The following VAMP7 variants were observed in gnomAD, a reference collection of about 807,000 sequenced individuals.
VAMP7 encodes the protein vesicle-associated membrane protein 7.
A neutral mutation model predicts 29.6 loss-of-function variants in VAMP7; 14 were observed. The observed-to-expected ratio is 0.47, with a 90% CI of 0.31 to 0.74. The LOEUF (loss-of-function observed/expected upper bound fraction) is 0.74. Among genes scored for constraint, VAMP7 ranks in the 30% least tolerant of loss-of-function variants. The probability of loss-of-function intolerance (pLI) is 0.05; values close to 1 mark genes in which losing one functional copy is unlikely to be tolerated. For missense variants in VAMP7, 223 were observed against 262.4 expected (o/e 0.85, Z 1.04); for synonymous variants, 95 against 88.1 (o/e 1.08, Z -0.44).
chrX:155,917,560 C>A (rs896778833), intron 5 of VAMP7, among the ~76,000 whole-genome samples: 1 of 152,156 alleles, frequency 6.6e-6, no homozygotes, highest in African/African-American at 2.4e-5. Flanking sequence ...TTCTAACAGG[C>A]CTCTCTGCTG....
intron 6 of VAMP7, among the ~76,000 whole-genome samples, chrX:155,933,086 G>A (rs1005612227): frequency 3.9e-5 from 6 of 152,134 alleles, no homozygotes; most frequent in Non-Finnish European, 8.8e-5. Flanking sequence ...TTTTTGATGT[G>A]CTGCTGGATT....
At chrX:155,918,322 G>A (rs979633639) in intron 5 of VAMP7, among the ~76,000 whole-genome samples, 11 of 151,900 alleles carry the variant, frequency 7.2e-5, no homozygotes, top group African/African-American at 2.7e-4. Context: ...GAACAGTTAT[G>A]TCTCACTGGC....
intron 5 of VAMP7, among the ~76,000 whole-genome samples, chrX:155,902,353 C>T (rs1213314216): frequency 6.6e-6 from 1 of 150,880 alleles, no homozygotes; most frequent in African/African-American, 2.4e-5. Flanking sequence ...AATTGAATAC[C>T]CTTTATTTCC....
intron 2 of VAMP7, among the ~76,000 whole-genome samples, chrX:155,892,246 C>A (rs186508959): frequency 1.2e-4 from 18 of 152,180 alleles, no homozygotes; most frequent in African/African-American, 4.1e-4. Flanking sequence ...CTGTTCTCCC[C>A]CTAAGCCTCC....
intron 2 of VAMP7, among the ~76,000 whole-genome samples, chrX:155,891,856 C>T (rs2065928735): frequency 6.6e-6 from 1 of 152,130 alleles, no homozygotes; most frequent in Non-Finnish European, 1.5e-5. Flanking sequence ...GTTTGTGGGC[C>T]TAGAGGTTAG....
At chrX:155,891,381 T>C (rs919876608) in intron 2 of VAMP7, among the ~76,000 whole-genome samples, 3 of 152,256 alleles carry the variant, frequency 2.0e-5, no homozygotes, top group African/African-American at 7.2e-5. Context: ...ATCTAGTCAC[T>C]GTGTTTGGCT....
chrX:155,892,049 G>A (rs1406751027), intron 2 of VAMP7, among the ~76,000 whole-genome samples: 1 of 152,094 alleles, frequency 6.6e-6, no homozygotes, highest in Non-Finnish European at 1.5e-5. Flanking sequence ...TGTATTATGA[G>A]CCAGAATTTA....
chrX:155,934,478 C>T (rs1038074558), intron 6 of VAMP7, among the ~76,000 whole-genome samples: 2 of 152,114 alleles, frequency 1.3e-5, no homozygotes, highest in African/African-American at 4.8e-5. Flanking sequence ...CTCTTTTGAT[C>T]CTTGCTAGTT....
intron 6 of VAMP7, among the ~76,000 whole-genome samples, chrX:155,924,477 A>G (rs2066441278): frequency 6.6e-6 from 1 of 152,162 alleles, no homozygotes; most frequent in African/African-American, 2.4e-5. Context: ...AGCCCCTGGT[A>G]ACTCTAATCT....
At position 155,889,558 on chromosome X, in the gene VAMP7, A is replaced by G; in HGVS notation, c.92A>G (p.Gln31Arg). The G allele has an allele frequency of 6.2e-7, 1 of 1,613,958 alleles. No homozygotes were observed. The highest frequency in any genetic ancestry group is 8.5e-7 in the Non-Finnish European group (1 of 1,179,862). ...CGGNFLEVTEQILAKIPSENN... is the reference protein window; with the variant it reads ...CGGNFLEVTERILAKIPSENN... ...GGAAACTTCCTGGAGGTGACAGAGC[A>G]GATTCTGGCTAAGATACCTTCTGAA... Residue 31 changes from glutamine (Q) to arginine (R), a missense_variant, in exon 2 of 8, where the codon CAG becomes CGG. Transcript: ENST00000286448.
chrX:155,939,091 G>GTT (rs1169208673), intron 6 of VAMP7, among the ~76,000 whole-genome samples: 3 of 646 alleles, frequency 4.6e-3, no homozygotes, highest in Non-Finnish European at 9.3e-3. Flanking sequence ...ACATCTGTGG[G>GTT]ACCATACCAG....
intron 6 of VAMP7, among the ~76,000 whole-genome samples, chrX:155,929,843 T>C (rs1428294853): frequency 1.3e-5 from 2 of 152,090 alleles, no homozygotes; most frequent in African/African-American, 2.4e-5. Context: ...TTTACTCAAG[T>C]CCACCCTCAC....
chrX:155,886,123 TTTC>T (rs1317893664), intron 1 of VAMP7, among the ~76,000 whole-genome samples: 5 of 152,190 alleles, frequency 3.3e-5, no homozygotes, highest in Non-Finnish European at 5.9e-5. Flanking sequence ...TTTCATTCTT[TTTC>T]TTCTTGGATC....
intron 6 of VAMP7, among the ~76,000 whole-genome samples, chrX:155,935,885 A>G (rs748933717): frequency 1.3e-4 from 19 of 151,872 alleles, no homozygotes; most frequent in East Asian, 3.9e-4. Context: ...TTTTGTGTGG[A>G]TGTCCTTTCT....
intron 6 of VAMP7, among the ~76,000 whole-genome samples, chrX:155,925,029 A>G (rs1312612065): frequency 6.6e-6 from 1 of 152,216 alleles, no homozygotes; most frequent in South Asian, 2.1e-4. Context: ...CATTCATTAA[A>G]GTTTTATCAA....
At chrX:155,904,732 T>G (rs2066123117) in intron 5 of VAMP7, among the ~76,000 whole-genome samples, 1 of 152,082 alleles carries the variant, frequency 6.6e-6, no homozygotes, top group East Asian at 1.9e-4. Flanking sequence ...GATTGTGAGA[T>G]TCATTCATGT....
At chrX:155,918,342 G>T (rs1482774474) in intron 5 of VAMP7, among the ~76,000 whole-genome samples, 4 of 151,908 alleles carry the variant, frequency 2.6e-5, no homozygotes, top group African/African-American at 7.3e-5. Flanking sequence ...CATTCCAGGC[G>T]CCACTGGGGT....
At chrX:155,940,472 C>T (rs1235406870) in intron 7 of VAMP7, among the ~76,000 whole-genome samples, 4 of 152,192 alleles carry the variant, frequency 2.6e-5, no homozygotes, top group Non-Finnish European at 5.9e-5. Flanking sequence ...AAGTAATTGT[C>T]ATGGCCTTGA....
Position 155,942,167 on chromosome X carries a change from A to C in VAMP7, c.*216A>C. 1 of 1,543,812 alleles carries C rather than the reference A, an allele frequency of 6.5e-7. No individual in the cohort carries two copies. The highest frequency in any genetic ancestry group is 2.5e-5 in the East Asian group (1 of 40,802). The stretch of plus-strand genomic sequence containing the variant: ...TTCAGATTGAACCATTCATTGCAGC[A>C]GTAGCCTTAAAAAGGCTTTTGTTTA... On this transcript the variant is annotated 3_prime_UTR_variant, in exon 8 of 8. Coordinates refer to ENST00000286448, the MANE Select transcript of VAMP7 (RefSeq NM_005638.6).
Sources: allele counts gnomAD v4.1 joint callset (sites outside exome capture counted in the v4.1 genomes callset), GRCh38; gene constraint gnomAD v4.1.1; transcripts MANE v1.5; gene names NCBI Gene and HGNC (gene_info 2026-07-23, HGNC 2026-07-21).